EVC2: variants seen among roughly 807,000 people sequenced by gnomAD.
EVC2 encodes EvC ciliary complex subunit 2, also known as limbin.
EVC2 carries 148 observed loss-of-function variants against 149.3 expected under a neutral mutation model. The ratio of observed to expected loss-of-function variants is 0.99; its 90% CI spans 0.87 to 1.14. The LOEUF is 1.14. Among genes scored for constraint, EVC2 ranks in the 50% most tolerant of loss-of-function variants. The probability of loss-of-function intolerance (pLI) is 0.00; values close to 1 mark genes in which losing one functional copy is unlikely to be tolerated. For missense variants in EVC2, 1,854 were observed against 1,627.3 expected (o/e 1.14, Z -2.40); for synonymous variants, 776 against 649.9 (o/e 1.19, Z -2.95).
chr4:5,647,582 G>T (rs1420187500), intron 9 of EVC2, among the ~76,000 whole-genome samples: 1 of 152,182 alleles, frequency 6.6e-6, no homozygotes, highest in Admixed American at 6.5e-5. Flanking sequence ...AGCAGTGTGT[G>T]TATGGCTAAA....
rs552123800 is a variant in EVC2 at position 5,593,788 on chromosome 4, CA to C, written c.2830-8939del. 1.6e-3 allele frequency among the ~76,000 whole-genome samples: 239 copies of C among 152,266 alleles called. 1 individual carries two copies. The highest frequency in any genetic ancestry group is 5.5e-3 in the African/African-American group (230 of 41,566). ...GAGGCATTGCCTCACTCGGGAAGCACAAGGGGTCAGGGAGTTCCCTTTCCTA... is the reference window on the plus strand; with the variant it reads ...GAGGCATTGCCTCACTCGGGAAGCACAGGGGTCAGGGAGTTCCCTTTCCTA... On this transcript the variant is annotated intron_variant, in intron 16 of 21. Transcript: ENST00000344408.
chr4:5,543,153 A>C (rs1022148036), exon 22 of EVC2: 1 of 1,289,792 alleles, frequency 7.8e-7, no homozygotes, highest in Non-Finnish European at 1.0e-6. Flanking sequence ...CATCCACTCA[A>C]TTAACCCAAT....
intron 16 of EVC2, among the ~76,000 whole-genome samples, chr4:5,587,195 C>G (rs183425484): frequency 2.6e-5 from 4 of 152,332 alleles, no homozygotes; most frequent in Admixed American, 2.6e-4. Context: ...GCCCCCACCT[C>G]TATTTAGTCT....
rs922429589 is a variant in EVC2, at chr4:5,696,382, C to T, written c.283+1211G>A. ...AGTCTACAGAGCCAAGTGGGGCCCA[C>T]CCGAATCCCAGCCCATCCCATTCCC... On this transcript the variant is annotated intron_variant, in intron 2 of 21. Coordinates refer to ENST00000344408, the MANE Select transcript of EVC2 (RefSeq NM_147127.5). The surrounding 1 kb of genome is among the most constrained non-coding windows in gnomAD (Gnocchi z 4.1). Among the ~76,000 whole-genome samples the T allele has an allele frequency of 3.9e-5, 6 of 152,194 alleles. No homozygotes were observed. The highest frequency in any genetic ancestry group is 3.2e-3 in the Middle Eastern group (1 of 316).
chr4:5,625,595 G>A lies in EVC2; in HGVS notation c.2046+154C>T, dbSNP rs757560962. Among the ~76,000 whole-genome samples the A allele has an allele frequency of 3.9e-5, 6 of 152,244 alleles. No homozygotes were observed. Among genetic ancestry groups the A allele is most frequent in the East Asian group, 1.9e-4 (1 of 5,162 alleles). On this transcript the variant is annotated intron_variant, in intron 13 of 21. Coordinates refer to ENST00000344408, the MANE Select transcript of EVC2 (RefSeq NM_147127.5). The surrounding 1 kb of genome is among the most constrained non-coding windows in gnomAD (Gnocchi z 4.0). ...GCTGAACACAGCATTCCAAAAAGTC[G>A]CTACCAATCAACAGTAGATGGCACA...
chr4:5,594,530 AACTAACAAACAG>A (rs1713189922), intron 16 of EVC2, among the ~76,000 whole-genome samples: 1 of 152,174 alleles, frequency 6.6e-6, no homozygotes, highest in Non-Finnish European at 1.5e-5. Context: ...TTAGAAGGAA[AACTAACAAACAG>A]AAAGGACACC....
intron 16 of EVC2, among the ~76,000 whole-genome samples, chr4:5,608,483 T>C (rs190433385): frequency 6.6e-6 from 1 of 152,298 alleles, no homozygotes; most frequent in East Asian, 1.9e-4. Flanking sequence ...AAACATTATT[T>C]TGGGGTGTGT....
At chr4:5,597,139 A>G in intron 16 of EVC2, among the ~76,000 whole-genome samples, 1 of 152,212 alleles carries the variant, frequency 6.6e-6, no homozygotes. Context: ...CCAGAGGTAG[A>G]AGGAGGAACT....
Position 5,569,888 on chromosome 4 carries a change from C to A in EVC2, c.3361-1248G>T, listed in dbSNP as rs1722546203. Among the ~76,000 whole-genome samples, 1 of 152,192 alleles carries A rather than the reference C, an allele frequency of 6.6e-6. No individual in the cohort carries two copies. Among genetic ancestry groups the A allele is most frequent in the Non-Finnish European group, 1.5e-5 (1 of 68,026 alleles). ...TCCTGACGCTCCCCATCCATGGCCT[C>A]CCTCCACTGTCACACTGAAATACTT... On this transcript the variant is annotated intron_variant, in intron 19 of 21. Coordinates refer to ENST00000344408, the MANE Select transcript of EVC2 (RefSeq NM_147127.5). This position sits in a 1 kb window ranked among gnomAD's most constrained non-coding sequence, Gnocchi z 4.8.
intron 11 of EVC2, among the ~76,000 whole-genome samples, chr4:5,629,028 A>T (rs1193268673): frequency 6.6e-6 from 1 of 152,186 alleles, no homozygotes. Flanking sequence ...TTTATCCTTC[A>T]TCCATGCACG....
chr4:5,619,309 C>T (rs1381366561), intron 14 of EVC2, among the ~76,000 whole-genome samples: 1 of 152,256 alleles, frequency 6.6e-6, no homozygotes, highest in East Asian at 1.9e-4. Context: ...AAGAAGTGAG[C>T]TAAGATGAGG....
chr4:5,654,085 GCGCCTGTAATC>G (rs1718334863), intron 9 of EVC2, among the ~76,000 whole-genome samples: 1 of 152,140 alleles, frequency 6.6e-6, no homozygotes, highest in African/African-American at 2.4e-5. Context: ...GTGGTGGCGG[GCGCCTGTAATC>G]CCAGCTACTC....
chr4:5,586,823 TC>T (rs1420942558), intron 16 of EVC2, among the ~76,000 whole-genome samples: 1 of 152,184 alleles, frequency 6.6e-6, no homozygotes, highest in Non-Finnish European at 1.5e-5. Flanking sequence ...GTCTCATGCC[TC>T]CCGAAAATGT....
At chr4:5,556,089 G>A (rs1721832644) in intron 21 of EVC2, among the ~76,000 whole-genome samples, 1 of 139,088 alleles carries the variant, frequency 7.2e-6, no homozygotes, top group Admixed American at 8.1e-5. Flanking sequence ...TGAGACAGGA[G>A]AATTGCTTGA....
rs1715011053 is a variant in EVC2 at position 5,613,474 on chromosome 4, C to T, written c.2829+1948G>A. The stretch of plus-strand genomic sequence containing the variant: ...ACCCCCGAGTATGGCTACTTCCTCC[C>T]TGTGCCAGGAGCTCAATGTGCACAG... On this transcript the variant is annotated intron_variant, in intron 16 of 21. Transcript: ENST00000344408. This position sits in a 1 kb window ranked among gnomAD's most constrained non-coding sequence, Gnocchi z 4.6. Among the ~76,000 whole-genome samples the T allele has an allele frequency of 6.6e-6, 1 of 152,184 alleles. No homozygotes were observed. The highest frequency in any genetic ancestry group is 2.4e-5 in the African/African-American group (1 of 41,446).
At chr4:5,681,697 G>C (rs1479640577) in intron 6 of EVC2, among the ~76,000 whole-genome samples, 1 of 151,640 alleles carries the variant, frequency 6.6e-6, no homozygotes, top group Admixed American at 6.6e-5. Context: ...TGCACTGCAC[G>C]TGTTCTTCTC....
Position 5,666,177 on chromosome 4 carries a change from C to T in EVC2, c.871-528G>A, listed in dbSNP as rs570990541. On this transcript the variant is annotated intron_variant, in intron 7 of 21. Transcript: ENST00000344408. ...GAGATTAGTGGGCCACATTTACCCC[C>T]GCCCCTCCTTCCCTGCTTCTGCCTT... is the stretch of plus-strand genomic sequence containing the variant. 7.2e-5 allele frequency among the ~76,000 whole-genome samples: 11 copies of T among 152,180 alleles called. No individual in the cohort carries two copies. The East Asian group carries it at 1.2e-3, about 16-fold the overall frequency.
chr4:5,550,632 G>A (rs1047622793), intron 21 of EVC2, among the ~76,000 whole-genome samples: 3 of 152,232 alleles, frequency 2.0e-5, no homozygotes, highest in Non-Finnish European at 2.9e-5. Flanking sequence ...CTTCTGTGGA[G>A]AAATTCAAGC....
intron 20 of EVC2, among the ~76,000 whole-genome samples, chr4:5,566,358 G>A (rs1722289107): frequency 6.6e-6 from 1 of 152,184 alleles, no homozygotes; most frequent in East Asian, 1.9e-4. Context: ...TCTCTCCCAG[G>A]AGTCTAACTC....
Sources: allele counts gnomAD v4.1 joint callset (sites outside exome capture counted in the v4.1 genomes callset), GRCh38; gene constraint gnomAD v4.1.1; non-coding constraint Gnocchi (gnomAD v3.1); transcripts MANE v1.5; gene names NCBI Gene and HGNC (gene_info 2026-07-23, HGNC 2026-07-21).